The following CNTN5 variants were observed in gnomAD, a reference collection of about 807,000 sequenced individuals.
CNTN5 encodes contactin 5.
A neutral mutation model predicts 129.1 loss-of-function variants in CNTN5; 77 were observed. The ratio of observed to expected loss-of-function variants is 0.60; its 90% CI spans 0.50 to 0.72. CNTN5 has a LOEUF of 0.72. CNTN5 is among the 30% of genes least tolerant of loss of function. CNTN5 has a pLI of 0.00. For synonymous variants in CNTN5, 509 were observed against 465.6 expected (o/e 1.09, Z -1.20); for missense variants, 1,478 against 1,328.8 (o/e 1.11, Z -1.75).
rs920278712 is a variant in CNTN5, at chr11:99,995,070, T to G, written c.878-6964T>G. Among the ~76,000 whole-genome samples the G allele has an allele frequency of 8.5e-5, 13 of 152,232 alleles. 1 individual carries two copies. Among genetic ancestry groups the G allele is most frequent in the Middle Eastern group, 6.3e-3 (2 of 316 alleles). The stretch of plus-strand genomic sequence containing the variant: ...AATAGTGCTAACCACTCAGTTCACT[T>G]GCTATTTATCAGGCTCTTGATGTGC... On this transcript the variant is annotated intron_variant, in intron 8 of 24. Coordinates refer to ENST00000524871, the MANE Select transcript of CNTN5 (RefSeq NM_014361.4).
At chr11:99,984,684 A>G (rs529094700) in intron 8 of CNTN5, among the ~76,000 whole-genome samples, 4 of 152,326 alleles carry the variant, frequency 2.6e-5, no homozygotes, top group African/African-American at 9.6e-5. Flanking sequence ...ACAAGGACCA[A>G]TAGCATGTAT....
At chr11:99,462,066 A>G (rs1372168648) in intron 2 of CNTN5, among the ~76,000 whole-genome samples, 1 of 152,302 alleles carries the variant, frequency 6.6e-6, no homozygotes, top group East Asian at 1.9e-4. Context: ...ATTTAGTTTC[A>G]TTTAAATAAC....
intron 3 of CNTN5, among the ~76,000 whole-genome samples, chr11:99,783,777 A>C (rs1048726873): frequency 6.6e-6 from 1 of 150,722 alleles, no homozygotes; most frequent in Non-Finnish European, 1.5e-5. Context: ...CAGTGAGATC[A>C]CATGGACACA....
chr11:100,053,265 A>G (rs192025969), intron 9 of CNTN5, among the ~76,000 whole-genome samples: 2 of 151,760 alleles, frequency 1.3e-5, no homozygotes, highest in Non-Finnish European at 3.0e-5. Context: ...ATCAAAATTA[A>G]AACCTGCTTT....
chr11:99,317,387 A>G (rs149541271), intron 1 of CNTN5, among the ~76,000 whole-genome samples: 1 of 152,334 alleles, frequency 6.6e-6, no homozygotes, highest in East Asian at 1.9e-4. Flanking sequence ...TGACAGATGT[A>G]GCAATATGAC....
intron 7 of CNTN5, among the ~76,000 whole-genome samples, chr11:99,956,552 A>T (rs1446016100): frequency 6.6e-6 from 1 of 152,190 alleles, no homozygotes. Context: ...TACCTAAAAC[A>T]TGTTCAGTAC....
chr11:99,400,834 G>A (rs759908880), intron 2 of CNTN5, among the ~76,000 whole-genome samples: 7 of 152,122 alleles, frequency 4.6e-5, no homozygotes, highest in Non-Finnish European at 1.0e-4. Flanking sequence ...GATCAGTGAC[G>A]TAGAGCACCT....
intron 1 of CNTN5, among the ~76,000 whole-genome samples, chr11:99,322,355 T>C (rs923364999): frequency 6.6e-6 from 1 of 152,100 alleles, no homozygotes; most frequent in African/African-American, 2.4e-5. Flanking sequence ...GGCAATACAT[T>C]TAATAAGGTA....
intron 3 of CNTN5, among the ~76,000 whole-genome samples, chr11:99,786,731 C>A (rs1591176280): frequency 6.6e-6 from 1 of 152,164 alleles, no homozygotes; most frequent in East Asian, 1.9e-4. Context: ...CTTTGACAAA[C>A]CTGACCAAAA....
At chr11:100,109,602 GA>G (rs546752866) in intron 13 of CNTN5, among the ~76,000 whole-genome samples, 3 of 152,098 alleles carry the variant, frequency 2.0e-5, no homozygotes, top group Non-Finnish European at 2.9e-5. Context: ...TAATGAGAGA[GA>G]AAAAAATTGT....
chr11:99,838,270 C>A (rs578054351), intron 4 of CNTN5, among the ~76,000 whole-genome samples: 2 of 152,124 alleles, frequency 1.3e-5, no homozygotes, highest in Admixed American at 6.6e-5. Flanking sequence ...TGAAATGAAT[C>A]GTTCTTCTTC....
At chr11:99,635,273 C>A (rs565863812) in intron 3 of CNTN5, among the ~76,000 whole-genome samples, 65 of 152,212 alleles carry the variant, frequency 4.3e-4, no homozygotes, top group African/African-American at 1.4e-3. Context: ...CTTGGGAGAT[C>A]AGCACACCCT....
intron 1 of CNTN5, among the ~76,000 whole-genome samples, chr11:99,077,307 C>T (rs1228897637): frequency 6.6e-6 from 1 of 152,144 alleles, no homozygotes; most frequent in East Asian, 1.9e-4. Context: ...CACAATGCTA[C>T]TGACATTTAT....
At chr11:99,577,624 A>C in intron 3 of CNTN5, among the ~76,000 whole-genome samples, 1 of 152,150 alleles carries the variant, frequency 6.6e-6, no homozygotes, top group Non-Finnish European at 1.5e-5. Context: ...CGATCATTAA[A>C]AATTTATTTC....
chr11:99,391,288 T>G (rs2136188249), intron 2 of CNTN5, among the ~76,000 whole-genome samples: 1 of 152,292 alleles, frequency 6.6e-6, no homozygotes, highest in African/African-American at 2.4e-5. Context: ...ATTGTTCTTT[T>G]AATTATAACT....
chr11:99,399,848 TA>T (rs1180347767), intron 2 of CNTN5, among the ~76,000 whole-genome samples: 1 of 151,954 alleles, frequency 6.6e-6, no homozygotes, highest in Non-Finnish European at 1.5e-5. Context: ...TTTTTTTCTA[TA>T]ATTTTTTATT....
intron 21 of CNTN5, among the ~76,000 whole-genome samples, chr11:100,314,704 G>T (rs1951542965): frequency 6.6e-6 from 1 of 152,088 alleles, no homozygotes; most frequent in Non-Finnish European, 1.5e-5. Context: ...GCATCATTAA[G>T]GGCAGTAAAG....
Position 99,806,682 on chromosome 11 carries a change from C to T in CNTN5, c.56-12862C>T, listed in dbSNP as rs188757379. On this transcript the variant is annotated intron_variant, in intron 3 of 24. Coordinates refer to ENST00000524871, the MANE Select transcript of CNTN5 (RefSeq NM_014361.4). ...ATTAGTCAGGTGTGGTGGCGCGCAC[C>T]TCTAATCCCAGCTACTTGGGAGGCT... is the stretch of plus-strand genomic sequence containing the variant. Among the ~76,000 whole-genome samples, 40 of 151,890 alleles carry T rather than the reference C, an allele frequency of 2.6e-4. 1 individual carries two copies. The East Asian group carries it at 5.4e-3, about 21-fold the overall frequency.
Position 99,397,018 on chromosome 11 carries a change from G to T in CNTN5, c.-71+71534G>T, listed in dbSNP as rs79836628. Among the ~76,000 whole-genome samples the T allele has an allele frequency of 3.4e-3, 510 of 151,758 alleles. 3 individuals are homozygous for T. The highest frequency in any genetic ancestry group is 0.011 in the African/African-American group (470 of 41,488). Reference sequence around the variant, plus strand: ...AGCATCTCAAAAAGTTTGACAAATTGCCTAAAATCTAATAGATAGGAAGAT... The same window carrying T: ...AGCATCTCAAAAAGTTTGACAAATTTCCTAAAATCTAATAGATAGGAAGAT... On this transcript the variant is annotated intron_variant, in intron 2 of 24. Transcript: ENST00000524871.
Sources: gnomAD v4.1 joint callset for allele counts (sites outside exome capture counted in the v4.1 genomes callset) on GRCh38, gnomAD v4.1.1 for gene constraint, MANE v1.5 for transcripts, NCBI Gene and HGNC (gene_info 2026-07-23, HGNC 2026-07-21) for gene names.